Variants in RAB7A observed in about 807,000 individuals in gnomAD.
RAB7A encodes ras-related protein Rab-7a.
In RAB7A, 2 loss-of-function variants were observed where a neutral mutation model predicts 24.5. That is an observed-to-expected ratio of 0.08 (90% confidence interval 0.03 to 0.26). The LOEUF (loss-of-function observed/expected upper bound fraction) is 0.26. Ranked by LOEUF, RAB7A falls within the 10% of genes least tolerant of loss-of-function variation. RAB7A has a pLI of 1.00. For synonymous variants in RAB7A, 100 were observed against 95.9 expected (o/e 1.04, Z -0.25); for missense variants, 118 against 255.7 (o/e 0.46, Z 3.67).
chr3:128,807,473 C>T, intron 4 of RAB7A, 70 bp from the exon 5 acceptor site: 3 of 1,608,818 alleles, frequency 1.9e-6, no homozygotes, highest in Non-Finnish European at 2.5e-6. Context: ...CATGACACTT[C>T]CTGGGGAGGA....
At chr3:128,774,510 G>A (rs1933033220) in intron 1 of RAB7A, among the ~76,000 whole-genome samples, 1 of 151,934 alleles carries the variant, frequency 6.6e-6, no homozygotes, top group East Asian at 1.9e-4. Context: ...TGCCCAGGCT[G>A]GAGTGCAATG....
At chr3:128,741,732 A>G (rs1038773302) in intron 1 of RAB7A, among the ~76,000 whole-genome samples, 1 of 152,126 alleles carries the variant, frequency 6.6e-6, no homozygotes, top group African/African-American at 2.4e-5. Flanking sequence ...TCTGTGGGAC[A>G]GTACTGCTGT....
chr3:128,800,889 G>T (rs1028321531), intron 3 of RAB7A, among the ~76,000 whole-genome samples: 2 of 152,164 alleles, frequency 1.3e-5, no homozygotes, highest in African/African-American at 4.8e-5. Flanking sequence ...TGAAGCAAAA[G>T]GATGACCCTT....
intron 1 of RAB7A, among the ~76,000 whole-genome samples, chr3:128,751,883 C>G (rs1184506021): frequency 1.3e-5 from 2 of 152,282 alleles, no homozygotes; most frequent in East Asian, 3.9e-4. Flanking sequence ...CCATGCTGTT[C>G]TCGAGTTAGG....
intron 1 of RAB7A, among the ~76,000 whole-genome samples, chr3:128,789,327 CTTTTTTT>C (rs10575679): frequency 7.6e-6 from 1 of 131,722 alleles, no homozygotes; most frequent in Non-Finnish European, 1.6e-5. Flanking sequence ...ACTTTGTAGC[CTTTTTTT>C]TTTTTTTTTT....
intron 1 of RAB7A, among the ~76,000 whole-genome samples, chr3:128,754,971 G>C (rs2070717088): frequency 6.6e-6 from 1 of 152,114 alleles, no homozygotes; most frequent in Non-Finnish European, 1.5e-5. Flanking sequence ...AAGGTAAGTA[G>C]GGAAATAGAA....
intron 1 of RAB7A, among the ~76,000 whole-genome samples, chr3:128,738,243 G>C (rs1200770516): frequency 1.3e-5 from 2 of 151,990 alleles, no homozygotes; most frequent in Non-Finnish European, 2.9e-5. Flanking sequence ...ATATTGCCCA[G>C]CTGGTCCCAA....
intron 1 of RAB7A, among the ~76,000 whole-genome samples, chr3:128,761,960 C>T (rs1439636661): frequency 1.3e-5 from 2 of 152,172 alleles, no homozygotes; most frequent in Non-Finnish European, 2.9e-5. Flanking sequence ...TTTACATTTC[C>T]TCTCCCTGGA....
chr3:128,810,776 G>A (rs1314126068), intron 5 of RAB7A, among the ~76,000 whole-genome samples: 3 of 152,206 alleles, frequency 2.0e-5, no homozygotes, highest in South Asian at 2.1e-4. Flanking sequence ...CTGCCCAGCC[G>A]AGTGCGGTGG....
chr3:128,791,966 T>G (rs1933463231), intron 1 of RAB7A, among the ~76,000 whole-genome samples: 1 of 152,102 alleles, frequency 6.6e-6, no homozygotes, highest in African/African-American at 2.4e-5. Context: ...AGTCAGAATC[T>G]AGAAAGATCT....
At chr3:128,733,726 A>G (rs1265272666) in intron 1 of RAB7A, among the ~76,000 whole-genome samples, 1 of 152,182 alleles carries the variant, frequency 6.6e-6, no homozygotes, top group East Asian at 1.9e-4. Flanking sequence ...TTATGACCTC[A>G]CTTAACCTCA....
chr3:128,812,910 C>A (rs1474462132), intron 5 of RAB7A, among the ~76,000 whole-genome samples: 2 of 152,154 alleles, frequency 1.3e-5, no homozygotes, highest in Admixed American at 6.5e-5. Flanking sequence ...CTGAGGGTTG[C>A]CAGATGTTTG....
intron 2 of RAB7A, among the ~76,000 whole-genome samples, chr3:128,795,751 C>CTATTTTTTTTTTTTTTTTTT: frequency 2.3e-5 from 1 of 43,032 alleles, no homozygotes; most frequent in Non-Finnish European, 4.7e-5. Flanking sequence ...AGCAGATGTG[C>CTATTTTTTTTTTTTTTTTTT]TTTTTTTTTT....
Position 128,787,374 on chromosome 3 carries a change from A to G in RAB7A, c.-8-7986A>G, listed in dbSNP as rs537087095. Among the ~76,000 whole-genome samples the G allele has an allele frequency of 2.0e-5, 3 of 152,340 alleles. No individual in the cohort carries two copies. In the East Asian group the frequency reaches 5.8e-4, roughly 29 times the overall value. On this transcript the variant is annotated intron_variant, in intron 1 of 5. Coordinates refer to ENST00000265062, the MANE Select transcript of RAB7A (RefSeq NM_004637.6). ...TCAGAACAGTAGTTGTAGACTCTTCACATCAGTGGTTTCCAAACTTGGTGT... is the reference window on the plus strand; with the variant it reads ...TCAGAACAGTAGTTGTAGACTCTTCGCATCAGTGGTTTCCAAACTTGGTGT...
chr3:128,730,694 T>A (rs1027481382), intron 1 of RAB7A, among the ~76,000 whole-genome samples: 5 of 152,232 alleles, frequency 3.3e-5, no homozygotes, highest in Non-Finnish European at 5.9e-5. Flanking sequence ...TATTTAAGAA[T>A]AGCTACTTGC....
intron 1 of RAB7A, among the ~76,000 whole-genome samples, chr3:128,729,496 G>A (rs2070412870): frequency 1.3e-5 from 2 of 151,380 alleles, no homozygotes; most frequent in Admixed American, 1.3e-4. Context: ...CGTGAACCCA[G>A]GAGGCAGGGC....
chr3:128,774,768 T>G (rs1194390013), intron 1 of RAB7A, among the ~76,000 whole-genome samples: 1 of 152,088 alleles, frequency 6.6e-6, no homozygotes, highest in Non-Finnish European at 1.5e-5. Flanking sequence ...GAGACAGGGT[T>G]TCACCGTGTT....
intron 1 of RAB7A, among the ~76,000 whole-genome samples, chr3:128,768,978 T>C (rs2070859479): frequency 7.2e-6 from 1 of 138,680 alleles, no homozygotes; most frequent in Non-Finnish European, 1.6e-5. Context: ...CCTTTTTTTT[T>C]TTTTTTTTTT....
chr3:128,738,443 A>G (rs1430185009), intron 1 of RAB7A, among the ~76,000 whole-genome samples: 1 of 152,002 alleles, frequency 6.6e-6, no homozygotes, highest in Admixed American at 6.6e-5. Flanking sequence ...GAGTTGCTTT[A>G]TTCACCTTTT....
Sources: allele counts gnomAD v4.1 joint callset (sites outside exome capture counted in the v4.1 genomes callset), GRCh38; gene constraint gnomAD v4.1.1; transcripts MANE v1.5; gene names NCBI Gene and HGNC (gene_info 2026-07-23, HGNC 2026-07-21).